The following THADA variants were observed in gnomAD, a reference collection of about 807,000 sequenced individuals.
The protein encoded by THADA is THADA armadillo repeat containing, also known as tRNA (32-2'-O)-methyltransferase regulator THADA.
In THADA, 213 loss-of-function variants were observed where a neutral mutation model predicts 219.8. The observed-to-expected ratio is 0.97, with a 90% confidence interval of 0.87 to 1.09. The LOEUF is 1.09. Among genes scored for constraint, THADA ranks in the 50% least tolerant of loss-of-function variants. The probability of loss-of-function intolerance (pLI) is 0.00; values close to 1 mark genes in which losing one functional copy is unlikely to be tolerated. For synonymous variants in THADA, 1,018 were observed against 828.9 expected (o/e 1.23, Z -3.92); for missense variants, 2,956 against 2,311.3 (o/e 1.28, Z -5.72).
At chr2:43,516,217 C>T (rs755494652) in intron 22 of THADA, among the ~76,000 whole-genome samples, 41 of 152,140 alleles carry the variant, frequency 2.7e-4, no homozygotes, top group Non-Finnish European at 4.3e-4. Flanking sequence ...CTATTATCAA[C>T]ACAGAAGTAA....
At chr2:43,505,932 T>G (rs1689618270) in intron 23 of THADA, among the ~76,000 whole-genome samples, 197 bp from the exon 24 acceptor site, 1 of 152,164 alleles carries the variant, frequency 6.6e-6, no homozygotes, top group African/African-American at 2.4e-5. Context: ...ATCGCTAAAT[T>G]TAGGTGAAGG....
intron 29 of THADA, among the ~76,000 whole-genome samples, chr2:43,368,878 T>C (rs1670479946): frequency 6.6e-6 from 1 of 152,110 alleles, no homozygotes; most frequent in Non-Finnish European, 1.5e-5. Context: ...GCTCAAATTC[T>C]CTGACTTTTT....
chr2:43,572,853 A>C lies in THADA; in HGVS notation c.1869T>G (p.Asp623Glu), dbSNP rs755296990. ...GAATTAAGCCTTGCTTTATTCTTGCATCAGACACGAGGTTCTCCCAGGTAT... is the reference window on the plus strand; with the variant it reads ...GAATTAAGCCTTGCTTTATTCTTGCCTCAGACACGAGGTTCTCCCAGGTAT... ...ATDTWENLVS[D>E]ARIKQGLIHQ... Residue 623 changes from aspartate (D) to glutamate (E), a missense_variant, in exon 12 of 38, where the codon GAT (aspartate) becomes GAG (glutamate). Asp to Glu is a conservative substitution (Grantham distance 45). Coordinates refer to ENST00000405975, the MANE Select transcript of THADA (RefSeq NM_022065.5). The C allele has an allele frequency of 2.5e-6, 4 of 1,613,888 alleles. No homozygotes were observed. In the Admixed American group the frequency reaches 6.7e-5, roughly 27 times the overall value.
chr2:43,381,400 C>T (rs1041388197), intron 29 of THADA, among the ~76,000 whole-genome samples: 9 of 152,078 alleles, frequency 5.9e-5, no homozygotes, highest in African/African-American at 2.2e-4. Flanking sequence ...CCCACCCAGC[C>T]TCAGGAGGTG....
At chr2:43,521,019 G>A (rs1372954292) in intron 22 of THADA, among the ~76,000 whole-genome samples, 3 of 140,858 alleles carry the variant, frequency 2.1e-5, no homozygotes. Flanking sequence ...AGGGAGGGAA[G>A]GGAGGGAAGG....
chr2:43,528,597 C>G (rs1489640098), intron 21 of THADA, among the ~76,000 whole-genome samples: 1 of 152,118 alleles, frequency 6.6e-6, no homozygotes, highest in Non-Finnish European at 1.5e-5. Context: ...GAACATGAAG[C>G]CAAGCAGTCT....
At chr2:43,583,719 C>T (rs146883500) in intron 7 of THADA, among the ~76,000 whole-genome samples, 1 of 152,110 alleles carries the variant, frequency 6.6e-6, no homozygotes, top group East Asian at 1.9e-4. Flanking sequence ...GGATATTATT[C>T]GGCCACAAAA....
intron 35 of THADA, among the ~76,000 whole-genome samples, chr2:43,281,002 G>C (rs906882880): frequency 7.2e-5 from 11 of 152,210 alleles, no homozygotes; most frequent in African/African-American, 2.7e-4. Flanking sequence ...GGTACCTCTA[G>C]TCCAGGTGGG....
chr2:43,338,866 A>C (rs983897427), intron 30 of THADA, among the ~76,000 whole-genome samples: 6 of 152,226 alleles, frequency 3.9e-5, no homozygotes, highest in African/African-American at 7.2e-5. Flanking sequence ...GTATGTATTC[A>C]AAAGTGGAAT....
chr2:43,551,696 T>A (rs1297378269), intron 19 of THADA, 93 bp downstream of exon 19: 6 of 1,204,332 alleles, frequency 5.0e-6, no homozygotes, highest in Non-Finnish European at 6.6e-6. Flanking sequence ...AGCTTTTATA[T>A]CTCCCCAAAG....
intron 20 of THADA, among the ~76,000 whole-genome samples, chr2:43,541,529 GACAGGGTCTCGCTCTGTC>G (rs1300457656): frequency 6.6e-6 from 1 of 151,132 alleles, no homozygotes; most frequent in Non-Finnish European, 1.5e-5. Context: ...CTTTTTTGGA[GACAGGGTCTCGCTCTGTC>G]ACCCAGGCTG....
At chr2:43,259,642 G>A (rs572100119) in intron 36 of THADA, among the ~76,000 whole-genome samples, 1 of 152,274 alleles carries the variant, frequency 6.6e-6, no homozygotes, top group South Asian at 2.1e-4. Context: ...AATATATCAC[G>A]GATGCCTTTG....
chr2:43,288,350 G>A (rs193069693), intron 34 of THADA, among the ~76,000 whole-genome samples: 12 of 152,344 alleles, frequency 7.9e-5, no homozygotes, highest in East Asian at 5.8e-4. Flanking sequence ...GCCAGGGGGC[G>A]GAGGCTGCAG....
intron 21 of THADA, among the ~76,000 whole-genome samples, chr2:43,530,654 T>A (rs1211132002): frequency 6.6e-6 from 1 of 152,240 alleles, no homozygotes. Flanking sequence ...CAGGAAAACA[T>A]AAACTTTGTC....
At chr2:43,264,527 C>T (rs1216397714) in intron 36 of THADA, among the ~76,000 whole-genome samples, 8 of 152,012 alleles carry the variant, frequency 5.3e-5, no homozygotes, top group East Asian at 1.9e-4. Flanking sequence ...TCAGGTGATC[C>T]GCCCACCTCT....
chr2:43,246,096 C>T (rs1190751685), intron 36 of THADA, among the ~76,000 whole-genome samples: 2 of 151,960 alleles, frequency 1.3e-5, no homozygotes, highest in Non-Finnish European at 2.9e-5. Flanking sequence ...GCCCACCTCC[C>T]AGCCTTATCT....
chr2:43,284,304 T>C (rs1234080932), intron 35 of THADA, among the ~76,000 whole-genome samples: 1 of 152,102 alleles, frequency 6.6e-6, no homozygotes, highest in Non-Finnish European at 1.5e-5. Context: ...AAAAAATGGT[T>C]TCTTAGGCCA....
chr2:43,367,704 T>C (rs769820343), intron 29 of THADA, among the ~76,000 whole-genome samples: 2 of 152,176 alleles, frequency 1.3e-5, no homozygotes, highest in South Asian at 2.1e-4. Flanking sequence ...GCTGCAACAA[T>C]GGGATGGTAA....
At chr2:43,452,869 C>T (rs1682512868) in intron 26 of THADA, among the ~76,000 whole-genome samples, 1 of 152,190 alleles carries the variant, frequency 6.6e-6, no homozygotes, top group Non-Finnish European at 1.5e-5. Flanking sequence ...CTCCTGTATT[C>T]AAATTAAGAG....
Sources: gnomAD v4.1 joint callset for allele counts (sites outside exome capture counted in the v4.1 genomes callset) on GRCh38, gnomAD v4.1.1 for gene constraint, MANE v1.5 for transcripts, NCBI Gene and HGNC (gene_info 2026-07-23, HGNC 2026-07-21) for gene names.